Variants in TCF4 observed in about 807,000 individuals in gnomAD.
TCF4 encodes the protein transcription factor 4, also known as SL3-3 enhancer factor 2.
Under a neutral mutation model 82.1 loss-of-function variants are expected in TCF4, and 3 were observed. The ratio of observed to expected loss-of-function variants is 0.04; its 90% CI spans 0.02 to 0.09. The LOEUF (loss-of-function observed/expected upper bound fraction) is 0.09, where lower values mean the gene tolerates loss of function less well. Among genes scored for constraint, TCF4 ranks in the 10% least tolerant of loss-of-function variants. The pLI is 1.00. For missense variants in TCF4, 518 were observed against 852.7 expected (o/e 0.61, Z 4.89); for synonymous variants, 276 against 309.6 (o/e 0.89, Z 1.14).
At chr18:55,458,910 G>A (rs545001223) in intron 5 of TCF4, among the ~76,000 whole-genome samples, 24 of 152,078 alleles carry the variant, frequency 1.6e-4, no homozygotes, top group African/African-American at 4.8e-4. Context: ...CTGACACTGC[G>A]CCGTTAATGT....
intron 8 of TCF4, among the ~76,000 whole-genome samples, chr18:55,337,187 C>T (rs536554701): frequency 2.2e-4 from 34 of 152,150 alleles, no homozygotes; most frequent in Admixed American, 6.5e-4. Flanking sequence ...AGAATTCTCT[C>T]GAACTCTTAA....
chr18:55,621,279 T>C (rs1250642041), intron 2 of TCF4, among the ~76,000 whole-genome samples: 1 of 150,392 alleles, frequency 6.6e-6, no homozygotes, highest in Non-Finnish European at 1.5e-5. Flanking sequence ...TGCTATTAGA[T>C]TCAGGCCTAA....
intron 3 of TCF4, among the ~76,000 whole-genome samples, chr18:55,478,820 G>T (rs1331593918): frequency 5.4e-5 from 6 of 110,132 alleles, no homozygotes; most frequent in African/African-American, 2.0e-4. Context: ...GGCATAAGGA[G>T]ATTTAAACTG....
At chr18:55,345,227 C>A (rs2080898645) in intron 8 of TCF4, among the ~76,000 whole-genome samples, 1 of 151,054 alleles carries the variant, frequency 6.6e-6, no homozygotes, top group Non-Finnish European at 1.5e-5. Flanking sequence ...TTTCATATAT[C>A]AGCAATTCAT....
intron 2 of TCF4, among the ~76,000 whole-genome samples, chr18:55,629,495 G>A (rs1018301064): frequency 6.6e-6 from 1 of 152,168 alleles, no homozygotes; most frequent in Non-Finnish European, 1.5e-5. Context: ...TGAAAGTAAG[G>A]TATAAGATAC....
intron 8 of TCF4, among the ~76,000 whole-genome samples, chr18:55,284,875 G>T (rs1159986950): frequency 6.6e-6 from 1 of 152,184 alleles, no homozygotes; most frequent in Non-Finnish European, 1.5e-5. Flanking sequence ...AATGCCAAGA[G>T]TTTACTGAGT....
At chr18:55,399,546 T>A (rs187863227) in intron 6 of TCF4, among the ~76,000 whole-genome samples, 1 of 152,304 alleles carries the variant, frequency 6.6e-6, no homozygotes, top group Non-Finnish European at 1.5e-5. Context: ...TATATAAAGA[T>A]TTGAAGATTT....
intron 6 of TCF4, among the ~76,000 whole-genome samples, chr18:55,354,975 A>C (rs2083149257): frequency 6.6e-6 from 1 of 152,172 alleles, no homozygotes; most frequent in Admixed American, 6.5e-5. Context: ...GAACAGAGAA[A>C]AGCAGTCTCA....
chr18:55,631,482 T>A, intron 1 of TCF4: 1 of 1,375,050 alleles, frequency 7.3e-7, no homozygotes, highest in Non-Finnish European at 9.9e-7. Context: ...GAAATGATAA[T>A]GTTTTGGGTT....
At chr18:55,560,692 CAGG>C (rs2147303624) in intron 3 of TCF4, among the ~76,000 whole-genome samples, 2 of 152,272 alleles carry the variant, frequency 1.3e-5, no homozygotes, top group East Asian at 3.9e-4. Flanking sequence ...CATATACTCC[CAGG>C]CTCTTAAGTA....
chr18:55,531,690 C>A (rs1385569895), intron 3 of TCF4, among the ~76,000 whole-genome samples: 1 of 152,178 alleles, frequency 6.6e-6, no homozygotes, highest in Non-Finnish European at 1.5e-5. Flanking sequence ...GTGAATGACT[C>A]CAGTCCTCAC....
At chr18:55,310,483 A>G (rs1443879828) in intron 8 of TCF4, among the ~76,000 whole-genome samples, 1 of 152,204 alleles carries the variant, frequency 6.6e-6, no homozygotes, top group Non-Finnish European at 1.5e-5. Context: ...TGGCAGATGT[A>G]AGACTCAGCC....
intron 2 of TCF4, among the ~76,000 whole-genome samples, chr18:55,621,553 T>A (rs778383717): frequency 0.013 from 35 of 2,674 alleles, 2 homozygotes; most frequent in East Asian, 0.045. Context: ...TATTATATAT[T>A]ATGTACATTA....
In TCF4 at chr18:55,227,514, C is replaced by T. The variant is rs1013538438; in HGVS notation, c.*521G>A. 5 of 152,152 alleles carry T rather than the reference C, an allele frequency of 3.3e-5. No individual in the cohort carries two copies. The highest frequency in any genetic ancestry group is 5.9e-5 in the Non-Finnish European group (4 of 67,962). The allele number at this position is 152,152 out of a possible 1,614,324, so 9.4% of individuals were successfully genotyped here. A position where few individuals can be genotyped will look rare whatever the true frequency, so the allele number is the denominator to read the frequency against. Reference sequence around the variant, plus strand: ...TTGCTGGTTTTGTTACTAGGGCAGCCGAGCTTCCCCTAATTCAATATCCAG... The same window carrying T: ...TTGCTGGTTTTGTTACTAGGGCAGCTGAGCTTCCCCTAATTCAATATCCAG... On this transcript the variant is annotated 3_prime_UTR_variant, in exon 20 of 20. Transcript: ENST00000354452.
intron 11 of TCF4, chr18:55,267,489 C>T (rs1010082867): frequency 6.6e-6 from 1 of 152,084 alleles, no homozygotes. Flanking sequence ...TGTGAAAAAA[C>T]ATGGGCCACT....
At chr18:55,445,637 G>A (rs1568049166) in intron 5 of TCF4, among the ~76,000 whole-genome samples, 1 of 152,160 alleles carries the variant, frequency 6.6e-6, no homozygotes, top group Non-Finnish European at 1.5e-5. Context: ...AATTCAAGAT[G>A]AGATTTGGGT....
chr18:55,504,656 A>G (rs575652644), intron 3 of TCF4, among the ~76,000 whole-genome samples: 1 of 152,334 alleles, frequency 6.6e-6, no homozygotes, highest in Non-Finnish European at 1.5e-5. Flanking sequence ...TGAGGCACAC[A>G]TACAAAAACT....
chr18:55,485,304 C>T (rs1298131131), intron 3 of TCF4, among the ~76,000 whole-genome samples: 4 of 152,130 alleles, frequency 2.6e-5, no homozygotes, highest in Non-Finnish European at 4.4e-5. Context: ...CAGCTGAAAA[C>T]ATCCTAAAAT....
chr18:55,622,390 C>G (rs1027871046), intron 2 of TCF4, among the ~76,000 whole-genome samples: 1 of 151,338 alleles, frequency 6.6e-6, no homozygotes, highest in African/African-American at 2.4e-5. Context: ...GCCCGTGGTC[C>G]CAGCTACTCG....
Sources: gnomAD v4.1 joint callset for allele counts (sites outside exome capture counted in the v4.1 genomes callset) on GRCh38, gnomAD v4.1.1 for gene constraint, MANE v1.5 for transcripts, NCBI Gene and HGNC (gene_info 2026-07-23, HGNC 2026-07-21) for gene names.